The following LRFN5 variants were observed in gnomAD, a reference collection of about 807,000 sequenced individuals.
LRFN5 encodes leucine-rich repeat and fibronectin type-III domain-containing protein 5.
Under a neutral mutation model 45.6 loss-of-function variants are expected in LRFN5, and 24 were observed. The ratio of observed to expected loss-of-function variants is 0.53; its 90% CI spans 0.38 to 0.74. The LOEUF is 0.74. Among genes scored for constraint, LRFN5 ranks in the 30% least tolerant of loss-of-function variants. The pLI is 0.00. For synonymous variants in LRFN5, 340 were observed against 313.8 expected (o/e 1.08, Z -0.88); for missense variants, 776 against 861.5 (o/e 0.90, Z 1.24).
At chr14:41,677,165 T>C (rs933977755) in intron 1 of LRFN5, among the ~76,000 whole-genome samples, 8 of 151,996 alleles carry the variant, frequency 5.3e-5, no homozygotes, top group Non-Finnish European at 1.0e-4. Context: ...AGCAGAGATA[T>C]GAGAGGCTAA....
chr14:41,881,718 A>C (rs1890387041), intron 2 of LRFN5, among the ~76,000 whole-genome samples: 1 of 152,032 alleles, frequency 6.6e-6, no homozygotes, highest in Non-Finnish European at 1.5e-5. Context: ...ATCTGAATTT[A>C]GTTTTTTTCT....
chr14:41,639,868 G>T (rs1247703877), intron 1 of LRFN5, among the ~76,000 whole-genome samples: 3 of 150,348 alleles, frequency 2.0e-5, no homozygotes, highest in Non-Finnish European at 4.4e-5. Context: ...ATGCAGCCTT[G>T]ACCTCCCTGG....
At chr14:41,753,100 G>A (rs534481358) in intron 1 of LRFN5, among the ~76,000 whole-genome samples, 1 of 152,032 alleles carries the variant, frequency 6.6e-6, no homozygotes, top group Non-Finnish European at 1.5e-5. Flanking sequence ...ATTTCTGAGG[G>A]CTCTGTTCTG....
intron 1 of LRFN5, among the ~76,000 whole-genome samples, chr14:41,636,698 C>T (rs557633614): frequency 6.6e-6 from 1 of 152,228 alleles, no homozygotes; most frequent in South Asian, 2.1e-4. Flanking sequence ...TGGTTACCAA[C>T]TTGCCTGATT....
chr14:41,899,095 C>T lies in LRFN5; in HGVS notation c.2142+135C>T, dbSNP rs376935186. ...TCTTTTAAAATTTACTTATAATTCT[C>T]AACAGTGAAGATTGAAGTTTAGTTT... On this transcript the variant is annotated intron_variant, in intron 5 of 5. Coordinates refer to ENST00000298119, the MANE Select transcript of LRFN5 (RefSeq NM_152447.5). 2.2e-4 allele frequency: 150 copies of T among 673,912 alleles called. 1 individual carries two copies. The South Asian group carries it at 3.2e-3, about 14-fold the overall frequency. The allele number at this position is 673,912 out of a possible 1,614,324, so 41.7% of individuals were successfully genotyped here.
At chr14:41,745,365 C>T (rs529001376) in intron 1 of LRFN5, among the ~76,000 whole-genome samples, 21 of 152,066 alleles carry the variant, frequency 1.4e-4, no homozygotes, top group South Asian at 2.1e-4. Context: ...TCAAAACTTA[C>T]GGTACTCAGT....
chr14:41,753,733 C>T (rs1370702822), intron 1 of LRFN5, among the ~76,000 whole-genome samples: 3 of 152,150 alleles, frequency 2.0e-5, no homozygotes, highest in Admixed American at 6.5e-5. Context: ...TTGACTTTCT[C>T]TTTTCCTAAT....
chr14:41,625,747 G>T (rs1304175301), intron 1 of LRFN5, among the ~76,000 whole-genome samples: 3 of 151,912 alleles, frequency 2.0e-5, no homozygotes, highest in African/African-American at 7.3e-5. Flanking sequence ...TGTATTTTAT[G>T]AATTTTCACA....
chr14:41,799,784 G>T (rs940707768), intron 2 of LRFN5, among the ~76,000 whole-genome samples: 1 of 151,910 alleles, frequency 6.6e-6, no homozygotes, highest in Non-Finnish European at 1.5e-5. Flanking sequence ...AGGAAGTGTG[G>T]CTCTTGCTGC....
chr14:41,758,291 A>G (rs1594681822), intron 1 of LRFN5, among the ~76,000 whole-genome samples: 2 of 152,288 alleles, frequency 1.3e-5, no homozygotes, highest in East Asian at 3.9e-4. Flanking sequence ...TTCTGGATGT[A>G]TCTTTTCTAT....
intron 1 of LRFN5, among the ~76,000 whole-genome samples, chr14:41,614,198 C>T (rs1284558213): frequency 6.6e-6 from 1 of 151,900 alleles, no homozygotes. Flanking sequence ...GACATTTGTA[C>T]AGTAACATTA....
At chr14:41,776,043 C>CT (rs1886282503) in intron 2 of LRFN5, among the ~76,000 whole-genome samples, 1 of 152,144 alleles carries the variant, frequency 6.6e-6, no homozygotes, top group Non-Finnish European at 1.5e-5. Context: ...GAATGTGTCA[C>CT]TAAGTAGTGA....
intron 2 of LRFN5, among the ~76,000 whole-genome samples, chr14:41,808,770 A>G (rs559359127): frequency 6.6e-6 from 1 of 152,202 alleles, no homozygotes; most frequent in Admixed American, 6.6e-5. Context: ...ATTTAACATA[A>G]TTCACTATTA....
rs371781595 is a variant in LRFN5, at chr14:41,884,289, A to G, written c.-20-2317A>G. On this transcript the variant is annotated intron_variant, in intron 2 of 5. Coordinates refer to ENST00000298119, the MANE Select transcript of LRFN5 (RefSeq NM_152447.5). ...CAATGTCCAAAACTTGTTGTTTTAT[A>G]TATTTTTGTAATTTTATTTGTTAAT... is the stretch of plus-strand genomic sequence containing the variant. 1.5e-4 allele frequency among the ~76,000 whole-genome samples: 23 copies of G among 152,326 alleles called. 1 individual carries two copies. In the South Asian group the frequency reaches 3.7e-3, roughly 25 times the overall value.
chr14:41,808,197 GGGAA>G (rs141262386), intron 2 of LRFN5, among the ~76,000 whole-genome samples: 2,567 of 101,052 alleles, frequency 0.025, 50 homozygotes, highest in Middle Eastern at 0.041. Flanking sequence ...AGGAAGTAGA[GGGAA>G]GGAAGGAAGG....
chr14:41,743,117 G>T (rs182236536), intron 1 of LRFN5, among the ~76,000 whole-genome samples: 4 of 152,096 alleles, frequency 2.6e-5, no homozygotes, highest in Admixed American at 2.0e-4. Flanking sequence ...TGCCCAAGTT[G>T]CTGTGTATGT....
chr14:41,737,509 G>A (rs1002287882), intron 1 of LRFN5, among the ~76,000 whole-genome samples: 19 of 151,914 alleles, frequency 1.3e-4, no homozygotes, highest in South Asian at 8.3e-4. Flanking sequence ...CAGGGCAGTC[G>A]GGCAAGAGAA....
At chr14:41,706,385 C>T (rs1201036597) in intron 1 of LRFN5, among the ~76,000 whole-genome samples, 1 of 152,128 alleles carries the variant, frequency 6.6e-6, no homozygotes, top group Non-Finnish European at 1.5e-5. Flanking sequence ...CAGGTGTGAG[C>T]CACCATGTCC....
intron 1 of LRFN5, among the ~76,000 whole-genome samples, chr14:41,674,657 C>A (rs1179401014): frequency 1.4e-4 from 21 of 150,124 alleles, no homozygotes; most frequent in Non-Finnish European, 2.8e-4. Context: ...GGGGGCTGAT[C>A]CCCCCACCTC....
Sources: allele counts gnomAD v4.1 joint callset (sites outside exome capture counted in the v4.1 genomes callset), GRCh38; gene constraint gnomAD v4.1.1; transcripts MANE v1.5; gene names NCBI Gene and HGNC (gene_info 2026-07-23, HGNC 2026-07-21).